LRRTM4: variants seen among roughly 807,000 people sequenced by gnomAD.
The protein encoded by LRRTM4 is leucine-rich repeat transmembrane neuronal protein 4.
Under a neutral mutation model 47.6 loss-of-function variants are expected in LRRTM4, and 25 were observed. The ratio of observed to expected loss-of-function variants is 0.53; its 90% CI spans 0.38 to 0.73. The LOEUF is 0.73. Ranked by LOEUF, LRRTM4 falls within the 30% of genes least tolerant of loss-of-function variation. LRRTM4 has a pLI of 0.00. For synonymous variants in LRRTM4, 311 were observed against 269.5 expected (o/e 1.15, Z -1.51); for missense variants, 638 against 713.4 (o/e 0.89, Z 1.20).
chr2:77,082,237 G>A (rs1374103916), intron 3 of LRRTM4, among the ~76,000 whole-genome samples: 2 of 151,866 alleles, frequency 1.3e-5, no homozygotes, highest in Non-Finnish European at 2.9e-5. Context: ...TGATTCTGAG[G>A]CACAGCTTAT....
chr2:76,919,955 ATC>A (rs1674382578), intron 3 of LRRTM4, among the ~76,000 whole-genome samples: 1 of 152,008 alleles, frequency 6.6e-6, no homozygotes, highest in Non-Finnish European at 1.5e-5. Context: ...CATTCTCATA[ATC>A]TTTTACTCAT....
intron 3 of LRRTM4, among the ~76,000 whole-genome samples, chr2:77,357,516 C>G (rs1672012569): frequency 6.6e-6 from 1 of 152,130 alleles, no homozygotes; most frequent in Non-Finnish European, 1.5e-5. Context: ...GGCTAAATGT[C>G]TGCTTCAAAT....
intron 3 of LRRTM4, among the ~76,000 whole-genome samples, chr2:76,810,018 T>C (rs190518844): frequency 2.7e-4 from 41 of 152,340 alleles, no homozygotes; most frequent in African/African-American, 9.1e-4. Context: ...CATTTCTTCA[T>C]AGCATGTATC....
intron 3 of LRRTM4, among the ~76,000 whole-genome samples, chr2:76,756,341 C>T (rs1673029972): frequency 6.6e-6 from 1 of 152,104 alleles, no homozygotes; most frequent in Non-Finnish European, 1.5e-5. Flanking sequence ...GAATGACCTC[C>T]ATGTATTGAT....
In LRRTM4 at chr2:77,250,902, G is replaced by T. The variant is rs372272656; in HGVS notation, c.1551+267416C>A. Among the ~76,000 whole-genome samples the T allele has an allele frequency of 2.6e-5, 4 of 152,018 alleles. No homozygotes were observed. In the East Asian group the frequency reaches 7.8e-4, roughly 29 times the overall value. ...GCAGATCACCTGAGGTGGGGAGTTC[G>T]AGACCAGTCTGACCAACATGGAGAA... On this transcript the variant is annotated intron_variant, in intron 3 of 3. Coordinates refer to ENST00000409884, the MANE Select transcript of LRRTM4 (RefSeq NM_001134745.3).
intron 3 of LRRTM4, among the ~76,000 whole-genome samples, chr2:77,125,916 T>C (rs1407695041): frequency 6.7e-6 from 1 of 150,274 alleles, no homozygotes; most frequent in African/African-American, 2.4e-5. Flanking sequence ...AATATATATA[T>C]ATATATATAC....
chr2:77,243,538 G>A (rs182722638), intron 3 of LRRTM4, among the ~76,000 whole-genome samples: 28 of 149,668 alleles, frequency 1.9e-4, no homozygotes, highest in Admixed American at 1.4e-3. Context: ...GCATCTGGGG[G>A]AAAGGGAGAA....
chr2:76,755,629 G>T (rs530599986), intron 3 of LRRTM4, among the ~76,000 whole-genome samples: 2 of 152,168 alleles, frequency 1.3e-5, no homozygotes, highest in African/African-American at 2.4e-5. Context: ...CTAGCATGGT[G>T]TATCCAGGGC....
intron 3 of LRRTM4, among the ~76,000 whole-genome samples, chr2:77,323,072 T>C (rs899886765): frequency 2.6e-5 from 4 of 152,076 alleles, no homozygotes; most frequent in Non-Finnish European, 5.9e-5. Context: ...AGACAAAAGA[T>C]GTTGGCTCCT....
intron 3 of LRRTM4, among the ~76,000 whole-genome samples, chr2:77,012,689 T>A (rs953075563): frequency 6.6e-6 from 1 of 152,154 alleles, no homozygotes; most frequent in Admixed American, 6.6e-5. Context: ...GAAGCATGAA[T>A]TGAGTGACCC....
intron 3 of LRRTM4, among the ~76,000 whole-genome samples, chr2:77,299,107 A>T (rs891776516): frequency 5.3e-5 from 8 of 152,154 alleles, no homozygotes; most frequent in Non-Finnish European, 1.2e-4. Flanking sequence ...CAAAGTATCA[A>T]CTAAGAGCAC....
chr2:76,812,044 A>G (rs1573152823), intron 3 of LRRTM4, among the ~76,000 whole-genome samples: 1 of 152,076 alleles, frequency 6.6e-6, no homozygotes, highest in East Asian at 1.9e-4. Context: ...TTTTTCCTGG[A>G]GCAATAAAAC....
At chr2:76,995,831 A>C (rs952957565) in intron 3 of LRRTM4, among the ~76,000 whole-genome samples, 2 of 152,136 alleles carry the variant, frequency 1.3e-5, no homozygotes, top group African/African-American at 4.8e-5. Flanking sequence ...TGGGAAATAC[A>C]AAGTAAATAT....
chr2:76,922,405 T>C (rs1452983126), intron 3 of LRRTM4, among the ~76,000 whole-genome samples: 1 of 151,994 alleles, frequency 6.6e-6, no homozygotes, highest in African/African-American at 2.4e-5. Context: ...TGCCACATAC[T>C]TTCAAACAAT....
At chr2:77,394,754 G>A (rs1445989044) in intron 3 of LRRTM4, among the ~76,000 whole-genome samples, 1 of 151,940 alleles carries the variant, frequency 6.6e-6, no homozygotes, top group East Asian at 1.9e-4. Flanking sequence ...ATATATTACA[G>A]TTAGGCCCCC....
intron 3 of LRRTM4, among the ~76,000 whole-genome samples, chr2:77,291,644 T>A (rs1028807053): frequency 2.0e-5 from 3 of 151,970 alleles, no homozygotes; most frequent in East Asian, 1.9e-4. Flanking sequence ...AAAAGAAAAA[T>A]TTTTTAAAAG....
At chr2:77,222,495 T>C (rs1220841888) in intron 3 of LRRTM4, among the ~76,000 whole-genome samples, 2 of 151,884 alleles carry the variant, frequency 1.3e-5, no homozygotes, top group Non-Finnish European at 2.9e-5. Context: ...GAAGAATCAA[T>C]TAGATGCAAT....
intron 3 of LRRTM4, among the ~76,000 whole-genome samples, chr2:76,947,475 G>A (rs1030430298): frequency 5.3e-5 from 8 of 151,710 alleles, no homozygotes; most frequent in African/African-American, 1.9e-4. Flanking sequence ...GTTCTGTGAA[G>A]CTCTGTTTTA....
intron 3 of LRRTM4, among the ~76,000 whole-genome samples, chr2:77,076,886 T>G (rs1163549751): frequency 1.1e-4 from 16 of 152,196 alleles, no homozygotes; most frequent in Non-Finnish European, 1.6e-4. Flanking sequence ...TACTAAAATT[T>G]ACATCAGTCA....
Sources: gnomAD v4.1 joint callset for allele counts (sites outside exome capture counted in the v4.1 genomes callset) on GRCh38, gnomAD v4.1.1 for gene constraint, MANE v1.5 for transcripts, NCBI Gene and HGNC (gene_info 2026-07-23, HGNC 2026-07-21) for gene names.